Variants in GLDC observed in about 807,000 individuals in gnomAD.
GLDC encodes the protein glycine decarboxylase, also known as glycine dehydrogenase (decarboxylating), mitochondrial.
In GLDC, 104 loss-of-function variants were observed where a neutral mutation model predicts 121.3. The observed-to-expected ratio is 0.86, with a 90% CI of 0.73 to 1.01. GLDC has a LOEUF of 1.01. GLDC is among the 50% of genes least tolerant of loss of function. The pLI is 0.00. For missense variants in GLDC, 1,429 were observed against 1,306.6 expected, an observed-to-expected ratio of 1.09 and a Z score of -1.44; for synonymous variants, 546 against 480.6, an observed-to-expected ratio of 1.14 and a Z score of -1.78.
At chr9:6,586,302 C>A (rs7048970) in intron 15 of GLDC, among the ~76,000 whole-genome samples, 1 of 151,752 alleles carries the variant, frequency 6.6e-6, no homozygotes, top group Non-Finnish European at 1.5e-5. Flanking sequence ...TCTAAAAAAA[C>A]AAATAAATAA....
intron 4 of GLDC, among the ~76,000 whole-genome samples, chr9:6,608,960 GGCTGGAAT>G (rs1299797911): frequency 6.6e-6 from 1 of 152,088 alleles, no homozygotes; most frequent in Non-Finnish European, 1.5e-5. Flanking sequence ...AAAGGCCTAT[GGCTGGAAT>G]GCACCAGAGG....
chr9:6,565,597 G>C, intron 15 of GLDC, 168 bp from the exon 16 acceptor site: 1 of 696,110 alleles, frequency 1.4e-6, no homozygotes, highest in Non-Finnish European at 2.6e-6. Context: ...AAAAGGTCTT[G>C]AACAATCAAA....
chr9:6,644,603 C>A lies in GLDC; in HGVS notation c.334+11G>T, dbSNP rs545559387. The A allele has an allele frequency of 1.9e-6, 3 of 1,590,266 alleles. No homozygotes were observed. The highest frequency in any genetic ancestry group is 2.2e-5 in the South Asian group (2 of 90,620). The stretch of plus-strand genomic sequence containing the variant: ...TAATCTAAGTCCAAGGGAGCCCTCC[C>A]GGCCACTTACAAACAGGGTCTTCCA... On this transcript the variant is annotated intron_variant, in intron 2 of 24. Transcript: ENST00000321612.
chr9:6,610,086 T>C, intron 4 of GLDC, 106 bp downstream of exon 4: 4 of 881,680 alleles, frequency 4.5e-6, no homozygotes, highest in Non-Finnish European at 7.2e-6. Context: ...AAAGTCATAC[T>C]CTAGAAAGCT....
At chr9:6,544,953 G>A (rs1256638373) in intron 21 of GLDC, among the ~76,000 whole-genome samples, 1 of 152,144 alleles carries the variant, frequency 6.6e-6, no homozygotes, top group East Asian at 1.9e-4. Flanking sequence ...TACAAAGTTA[G>A]CCAGGCATGG....
intron 8 of GLDC, among the ~76,000 whole-genome samples, chr9:6,601,289 T>A (rs1330244485): frequency 6.6e-6 from 1 of 152,174 alleles, no homozygotes; most frequent in Non-Finnish European, 1.5e-5. Context: ...CCTCAACCCA[T>A]TCCTGGAGAG....
intron 15 of GLDC, among the ~76,000 whole-genome samples, chr9:6,572,400 T>C (rs899254641): frequency 2.0e-5 from 3 of 152,198 alleles, no homozygotes; most frequent in African/African-American, 7.2e-5. Flanking sequence ...TGGGTTTTCA[T>C]TGGTGCTGAG....
chr9:6,536,363 T>TG, intron 22 of GLDC, 127 bp from the exon 23 acceptor site: 5 of 844,688 alleles, frequency 5.9e-6, no homozygotes, highest in Non-Finnish European at 9.9e-6. Context: ...CAAATGTATG[T>TG]ATGTGGGGAC....
Position 6,534,466 on chromosome 9 carries a change from G to A in GLDC, c.2919+242C>T, listed in dbSNP as rs2282162. Among the ~76,000 whole-genome samples, 61,839 of 151,442 alleles carry A rather than the reference G, an allele frequency of 0.41. 13,117 individuals are homozygous for A. The highest frequency in any genetic ancestry group is 0.5 in the Admixed American group (7,614 of 15,240). ...GGAGGGAAACACATTGGTCCACTGGGCAGGACTCGTATTCAGTTTTCCCCC... is the reference window on the plus strand; with the variant it reads ...GGAGGGAAACACATTGGTCCACTGGACAGGACTCGTATTCAGTTTTCCCCC... On this transcript the variant is annotated intron_variant, in intron 24 of 24. Transcript: ENST00000321612.
At chr9:6,612,292 C>T (rs2129924324) in intron 3 of GLDC, among the ~76,000 whole-genome samples, 1 of 151,980 alleles carries the variant, frequency 6.6e-6, no homozygotes, top group Admixed American at 6.6e-5. Flanking sequence ...CGCACACCAA[C>T]ACCCCAATAC....
chr9:6,617,629 T>G (rs1205995372), intron 3 of GLDC, among the ~76,000 whole-genome samples: 1 of 152,196 alleles, frequency 6.6e-6, no homozygotes, highest in Non-Finnish European at 1.5e-5. Flanking sequence ...TCCTGTCCCC[T>G]TATTAATAAA....
At chr9:6,542,885 C>CAAAAAAAAAAAAAAAAAA in intron 21 of GLDC, among the ~76,000 whole-genome samples, 1 of 61,392 alleles carries the variant, frequency 1.6e-5, no homozygotes, top group Non-Finnish European at 2.9e-5. Context: ...GACCTTTTCT[C>CAAAAAAAAAAAAAAAAAA]AAAAAAAAAA....
chr9:6,612,570 A>G (rs1395323142), intron 3 of GLDC, among the ~76,000 whole-genome samples: 4 of 151,852 alleles, frequency 2.6e-5, no homozygotes, highest in Non-Finnish European at 4.4e-5. Context: ...CACCTCTACA[A>G]AAAAATCAGG....
chr9:6,577,596 C>T (rs1339306216), intron 15 of GLDC, among the ~76,000 whole-genome samples: 2 of 152,130 alleles, frequency 1.3e-5, no homozygotes, highest in Non-Finnish European at 2.9e-5. Flanking sequence ...TTTAAATAAT[C>T]TAAAAACATA....
At position 6,533,070 on chromosome 9, in the gene GLDC, G is replaced by T; in HGVS notation, c.3010C>A (p.Pro1004Thr). 6.2e-7 allele frequency: 1 copy of T among 1,611,586 alleles called. No homozygotes were observed. Among genetic ancestry groups the T allele is most frequent in the African/African-American group, 1.3e-5 (1 of 74,958 alleles). Residue 1004 changes from proline (P) to threonine (T), a missense_variant, in exon 25 of 25, where the codon CCC (proline) becomes ACC (threonine). By Grantham distance (38) the Pro-to-Thr change is conservative. Transcript: ENST00000321612. ...AATGGAGACTCATAAACTTCCATGG[G>T]TGGGCAGGTACAAACCAGGTGCTGA... ...GDQHLVCTCP[P>T]MEVYESPFSE...
At chr9:6,622,503 C>T (rs927242820) in intron 2 of GLDC, among the ~76,000 whole-genome samples, 2 of 151,958 alleles carry the variant, frequency 1.3e-5, no homozygotes, top group African/African-American at 2.4e-5. Flanking sequence ...CTCGGCCTCC[C>T]GAGGTGCCGG....
intron 15 of GLDC, among the ~76,000 whole-genome samples, chr9:6,580,072 T>C (rs1159587443): frequency 6.6e-6 from 1 of 152,182 alleles, no homozygotes; most frequent in African/African-American, 2.4e-5. Context: ...CCACTCTTCA[T>C]TTCCCCTGAA....
At chr9:6,549,009 A>T (rs748717521) in intron 21 of GLDC, among the ~76,000 whole-genome samples, 6 of 152,130 alleles carry the variant, frequency 3.9e-5, no homozygotes, top group Non-Finnish European at 7.4e-5. Context: ...ATCTCAGCCC[A>T]TTTTAAACAC....
intron 8 of GLDC, among the ~76,000 whole-genome samples, chr9:6,596,973 A>C (rs1211492847): frequency 1.3e-5 from 2 of 152,218 alleles, no homozygotes; most frequent in African/African-American, 4.8e-5. Context: ...AACACCCCAA[A>C]TGTTTACCAA....
Sources: allele counts gnomAD v4.1 joint callset (sites outside exome capture counted in the v4.1 genomes callset), GRCh38; gene constraint gnomAD v4.1.1; transcripts MANE v1.5; gene names NCBI Gene and HGNC (gene_info 2026-07-23, HGNC 2026-07-21).